Variants in SGCZ observed in about 807,000 individuals in gnomAD.
SGCZ encodes the protein sarcoglycan zeta.
A neutral mutation model predicts 41.3 loss-of-function variants in SGCZ; 40 were observed. The ratio of observed to expected loss-of-function variants is 0.97; its 90% CI spans 0.75 to 1.26. SGCZ has a LOEUF of 1.26. Among genes scored for constraint, SGCZ ranks in the 50% most tolerant of loss-of-function variants. SGCZ has a pLI of 0.00. For missense variants in SGCZ, 552 were observed against 369.8 expected (o/e 1.49, Z -4.04); for synonymous variants, 206 against 137.5 (o/e 1.50, Z -3.49).
chr8:14,381,600 C>T (rs931157325), intron 2 of SGCZ, among the ~76,000 whole-genome samples: 4 of 151,726 alleles, frequency 2.6e-5, no homozygotes, highest in Admixed American at 6.6e-5. Context: ...CATGATGAAA[C>T]CCCGGTTCTA....
chr8:14,292,232 T>C (rs1020138933), intron 3 of SGCZ, among the ~76,000 whole-genome samples: 5 of 151,878 alleles, frequency 3.3e-5, no homozygotes, highest in South Asian at 2.1e-4. Context: ...AACAAGAAAA[T>C]GAACAAACAA....
rs181944616 is a variant in SGCZ, at chr8:14,500,119, A to T, written c.234+54613T>A. The stretch of plus-strand genomic sequence containing the variant: ...ATTCGCTAATTGGTAACTCACAATC[A>T]TTAAACTTGGGCTGGGTAAAACTGC... On this transcript the variant is annotated intron_variant, in intron 2 of 7. Coordinates refer to ENST00000382080, the MANE Select transcript of SGCZ (RefSeq NM_139167.4). 9.3e-4 allele frequency among the ~76,000 whole-genome samples: 141 copies of T among 152,264 alleles called. 1 individual carries two copies. In the Middle Eastern group the frequency reaches 0.02, roughly 22 times the overall value.
intron 2 of SGCZ, among the ~76,000 whole-genome samples, chr8:14,371,875 T>A (rs1231385599): frequency 6.6e-6 from 1 of 152,124 alleles, no homozygotes; most frequent in Non-Finnish European, 1.5e-5. Flanking sequence ...TATAGAATAA[T>A]CTTTATATGC....
intron 1 of SGCZ, among the ~76,000 whole-genome samples, chr8:14,748,000 C>T (rs1001752240): frequency 1.3e-5 from 2 of 151,144 alleles, no homozygotes; most frequent in African/African-American, 4.9e-5. Context: ...CTTTTTGATG[C>T]TCAAATATTA....
At chr8:14,563,128 T>C (rs1305615143) in intron 1 of SGCZ, among the ~76,000 whole-genome samples, 1 of 152,192 alleles carries the variant, frequency 6.6e-6, no homozygotes, top group East Asian at 1.9e-4. Context: ...CAAGTGGTAC[T>C]GAGTGTCGCC....
intron 5 of SGCZ, among the ~76,000 whole-genome samples, chr8:14,120,630 A>G (rs13249760): frequency 0.33 from 50,725 of 151,890 alleles, 10,820 homozygotes; most frequent in Non-Finnish European, 0.49. Flanking sequence ...CACATAAAAT[A>G]TGGTTTTCTA....
chr8:14,663,827 T>C (rs1796222945), intron 1 of SGCZ, among the ~76,000 whole-genome samples: 3 of 152,168 alleles, frequency 2.0e-5, no homozygotes, highest in African/African-American at 7.2e-5. Context: ...TGTTCTCCTT[T>C]AATCTAGTCA....
intron 3 of SGCZ, chr8:14,308,907 T>G (rs144164792): frequency 6.5e-6 from 3 of 464,450 alleles, no homozygotes; most frequent in African/African-American, 5.9e-5. Context: ...AGAAATACAT[T>G]TTCTTAATTT....
At chr8:14,122,855 A>G (rs34078873) in intron 5 of SGCZ, among the ~76,000 whole-genome samples, 48,923 of 152,126 alleles carry the variant, frequency 0.32, 10,052 homozygotes, top group Non-Finnish European at 0.47. Flanking sequence ...TTTCTATTTT[A>G]AGATATTTTC....
At chr8:14,596,703 G>A (rs888062441) in intron 1 of SGCZ, among the ~76,000 whole-genome samples, 1 of 152,034 alleles carries the variant, frequency 6.6e-6, no homozygotes, top group Non-Finnish European at 1.5e-5. Context: ...AGAGCATTAG[G>A]ACAAATACCT....
At chr8:14,255,566 C>G (rs1215056148) in intron 3 of SGCZ, among the ~76,000 whole-genome samples, 2 of 151,348 alleles carry the variant, frequency 1.3e-5, no homozygotes, top group African/African-American at 4.8e-5. Flanking sequence ...GCTAAAAAGA[C>G]AAAGTATAAA....
chr8:14,131,976 T>C (rs1174168775), intron 5 of SGCZ, among the ~76,000 whole-genome samples: 1 of 152,194 alleles, frequency 6.6e-6, no homozygotes, highest in African/African-American at 2.4e-5. Context: ...GTTCACATAA[T>C]GATGAAAACA....
chr8:14,172,985 C>G (rs1403553213), intron 4 of SGCZ, among the ~76,000 whole-genome samples: 1 of 152,064 alleles, frequency 6.6e-6, no homozygotes, highest in African/African-American at 2.4e-5. Context: ...GGCTTCCAAC[C>G]AGAGTGTTGG....
At chr8:15,208,074 C>G (rs563747615) in intron 1 of SGCZ, among the ~76,000 whole-genome samples, 1 of 152,210 alleles carries the variant, frequency 6.6e-6, no homozygotes, top group South Asian at 2.1e-4. Flanking sequence ...TATTATTTTC[C>G]TCTGTTAAGA....
intron 1 of SGCZ, among the ~76,000 whole-genome samples, chr8:14,606,553 A>G (rs1563148354): frequency 2.0e-5 from 3 of 152,180 alleles, no homozygotes; most frequent in Non-Finnish European, 4.4e-5. Context: ...TATATCAACC[A>G]AATCAGTCCC....
intron 6 of SGCZ, among the ~76,000 whole-genome samples, chr8:14,105,322 C>T (rs1181762915): frequency 1.3e-5 from 2 of 152,032 alleles, no homozygotes; most frequent in Admixed American, 6.6e-5. Flanking sequence ...AATATTAATA[C>T]TCTATTAATA....
intron 2 of SGCZ, among the ~76,000 whole-genome samples, chr8:14,439,567 A>G (rs542980791): frequency 2.6e-5 from 4 of 152,040 alleles, no homozygotes; most frequent in African/African-American, 4.8e-5. Flanking sequence ...CGTAATATAT[A>G]AAAGACATTC....
intron 1 of SGCZ, among the ~76,000 whole-genome samples, chr8:14,950,348 T>C (rs1800593241): frequency 6.6e-6 from 1 of 151,978 alleles, no homozygotes; most frequent in African/African-American, 2.4e-5. Context: ...ATTTCCTTCC[T>C]TTTTTCTTTC....
intron 2 of SGCZ, among the ~76,000 whole-genome samples, chr8:14,434,425 G>A (rs138154201): frequency 5.5e-4 from 83 of 152,156 alleles, no homozygotes; most frequent in African/African-American, 1.9e-3. Context: ...TGTTCTTTTT[G>A]TTTAGTCTTG....
Sources: allele counts gnomAD v4.1 joint callset (sites outside exome capture counted in the v4.1 genomes callset), GRCh38; gene constraint gnomAD v4.1.1; transcripts MANE v1.5; gene names NCBI Gene and HGNC (gene_info 2026-07-23, HGNC 2026-07-21).